The following ACOT12 variants were observed in gnomAD, a reference collection of about 807,000 sequenced individuals.
The protein encoded by ACOT12 is acyl-CoA thioesterase 12, also known as acetyl-coenzyme A thioesterase.
A neutral mutation model predicts 67.7 loss-of-function variants in ACOT12; 51 were observed. That is an observed-to-expected ratio of 0.75 (90% confidence interval 0.60 to 0.95). The LOEUF is 0.95. ACOT12 is among the 40% of genes least tolerant of loss of function. The probability of loss-of-function intolerance (pLI) is 0.00; values close to 1 mark genes in which losing one functional copy is unlikely to be tolerated. For missense variants in ACOT12, 734 were observed against 708.1 expected, an observed-to-expected ratio of 1.04 and a Z score of -0.41; for synonymous variants, 251 against 244.6, an observed-to-expected ratio of 1.03 and a Z score of -0.24.
At chr5:81,367,691 A>G (rs13157817) in intron 3 of ACOT12, among the ~76,000 whole-genome samples, 43,484 of 152,106 alleles carry the variant, frequency 0.29, 6,578 homozygotes, top group African/African-American at 0.36. Context: ...ATAGAAGACA[A>G]ACAGCCAGAT....
rs539860077 is a variant in ACOT12 at position 81,347,431 on chromosome 5, G to A, written c.653+343C>T. Reference sequence around the variant, plus strand: ...CAACCTAGACTGATTATTTTTAAGTGTGAAGCCTGTCTTCTATTTCTGTTC... The same window carrying A: ...CAACCTAGACTGATTATTTTTAAGTATGAAGCCTGTCTTCTATTTCTGTTC... On this transcript the variant is annotated intron_variant, in intron 6 of 14. Coordinates refer to ENST00000307624, the MANE Select transcript of ACOT12 (RefSeq NM_130767.3). 4.6e-5 allele frequency among the ~76,000 whole-genome samples: 7 copies of A among 152,282 alleles called. 1 individual carries two copies. In the East Asian group the frequency reaches 1.3e-3, roughly 29 times the overall value.
chr5:81,330,401 G>A lies in ACOT12; in HGVS notation c.1661C>T (p.Thr554Ile), dbSNP rs779809926. Residue 554 changes from threonine to isoleucine, a missense_variant, in exon 15 of 15, where the codon ACA becomes ATA. Thr to Ile is a moderately conservative substitution (Grantham distance 89). Transcript: ENST00000307624. ...ENPPDDGFVS[T>I]F ...GTAATTGAAAGTTGACCTTTAAAAT[G>A]TGCTTACAAACCCATCATCAGGAGG... is the stretch of plus-strand genomic sequence containing the variant. The A allele has an allele frequency of 1.6e-5, 26 of 1,607,216 alleles. No individual in the cohort carries two copies. The highest frequency in any genetic ancestry group is 1.9e-5 in the Non-Finnish European group (22 of 1,177,346).
the ACOT12 span, among the ~76,000 whole-genome samples, chr5:81,318,681 T>C: frequency 6.6e-6 from 1 of 152,192 alleles, no homozygotes; most frequent in East Asian, 1.9e-4. Context: ...TCCATGAACA[T>C]AGGGGTCATG....
intron 9 of ACOT12, 89 bp downstream of exon 9, chr5:81,344,071 C>G: frequency 7.1e-7 from 1 of 1,404,816 alleles, no homozygotes; most frequent in Non-Finnish European, 9.9e-7. Context: ...TTTTCCGTTA[C>G]GTGGGAATAG....
At chr5:81,361,873 A>G (rs2153854726) in intron 4 of ACOT12, among the ~76,000 whole-genome samples, 1 of 152,324 alleles carries the variant, frequency 6.6e-6, no homozygotes, top group Admixed American at 6.5e-5. Flanking sequence ...TAATCAGGGT[A>G]CATTATGCTT....
chr5:81,335,976 G>A, intron 11 of ACOT12, 75 bp from the exon 12 acceptor site: 2 of 1,456,010 alleles, frequency 1.4e-6, no homozygotes, highest in Non-Finnish European at 1.9e-6. Context: ...GCATATATAT[G>A]TAGTCATAGA....
chr5:81,343,290 T>C (rs1759263202), intron 10 of ACOT12, among the ~76,000 whole-genome samples: 2 of 152,198 alleles, frequency 1.3e-5, no homozygotes, highest in South Asian at 4.1e-4. Flanking sequence ...ACATATACTT[T>C]TTATCTTGAA....
intron 5 of ACOT12, among the ~76,000 whole-genome samples, chr5:81,358,662 C>T (rs573462604): frequency 3.7e-4 from 56 of 152,248 alleles, no homozygotes; most frequent in African/African-American, 1.3e-3. Flanking sequence ...CCAGCCTGGC[C>T]AACATGGTGA....
At chr5:81,351,882 T>C (rs1331666978) in intron 5 of ACOT12, among the ~76,000 whole-genome samples, 1 of 152,132 alleles carries the variant, frequency 6.6e-6, no homozygotes, top group Non-Finnish European at 1.5e-5. Context: ...AACCAGAATA[T>C]ATAAGGAGCT....
the ACOT12 span, among the ~76,000 whole-genome samples, chr5:81,322,915 T>C: frequency 0.26 from 39,160 of 151,820 alleles, 5,546 homozygotes; most frequent in Middle Eastern, 0.39. Flanking sequence ...GATTCAATTA[T>C]CTCCTTCACC....
At chr5:81,344,117 T>C (rs1437238449) in intron 9 of ACOT12, 43 bp downstream of exon 9, 18 of 1,591,622 alleles carry the variant, frequency 1.1e-5, no homozygotes, top group Non-Finnish European at 1.4e-5. Context: ...ATTTGTCAGA[T>C]TAACGAAGAC....
chr5:81,313,324 T>C, the ACOT12 span: 339 of 152,362 alleles, frequency 2.2e-3, 2 homozygotes, highest in African/African-American at 7.8e-3. Context: ...TTACTGAAGT[T>C]AAAATTGAAA....
intron 1 of ACOT12, 110 bp from the exon 2 acceptor site, chr5:81,385,936 T>C: frequency 1.1e-6 from 1 of 946,220 alleles, no homozygotes; most frequent in East Asian, 2.6e-5. Flanking sequence ...CCATCCCTCA[T>C]TCATTATAGC....
intron 11 of ACOT12, among the ~76,000 whole-genome samples, chr5:81,338,322 G>A (rs1451142842): frequency 6.6e-6 from 1 of 152,190 alleles, no homozygotes; most frequent in Non-Finnish European, 1.5e-5. Context: ...CTGGAGCAGG[G>A]ACCTGGTGGG....
chr5:81,309,565 G>A, the ACOT12 span, among the ~76,000 whole-genome samples: 11 of 152,286 alleles, frequency 7.2e-5, no homozygotes, highest in South Asian at 6.2e-4. Context: ...GCTTTAAGGC[G>A]GAGGTTGTTA....
the ACOT12 span, among the ~76,000 whole-genome samples, chr5:81,309,751 C>G: frequency 6.6e-6 from 1 of 152,336 alleles, no homozygotes; most frequent in African/African-American, 2.4e-5. Flanking sequence ...CTACCAAACT[C>G]TGATCTCCGT....
At chr5:81,361,686 C>T (rs1759913747) in intron 4 of ACOT12, among the ~76,000 whole-genome samples, 1 of 152,186 alleles carries the variant, frequency 6.6e-6, no homozygotes, top group Admixed American at 6.5e-5. Flanking sequence ...GCCTGGAGAC[C>T]TCCACCCTCT....
intron 14 of ACOT12, 40 bp downstream of exon 14, chr5:81,330,774 G>A: frequency 1.2e-6 from 2 of 1,600,236 alleles, no homozygotes; most frequent in Admixed American, 1.8e-5. Context: ...TTCGCTATCT[G>A]GCAGAGCCAA....
chr5:81,338,937 C>T (rs975876558), intron 11 of ACOT12, among the ~76,000 whole-genome samples: 5 of 151,964 alleles, frequency 3.3e-5, no homozygotes, highest in African/African-American at 1.2e-4. Flanking sequence ...AAAAATTATC[C>T]AGGGGTGGTG....
Sources: allele counts gnomAD v4.1 joint callset (sites outside exome capture counted in the v4.1 genomes callset), GRCh38; gene constraint gnomAD v4.1.1; transcripts MANE v1.5; gene names NCBI Gene and HGNC (gene_info 2026-07-23, HGNC 2026-07-21).